The following DLGAP1 variants were observed in gnomAD, a reference collection of about 807,000 sequenced individuals.
The protein encoded by DLGAP1 is DLG associated protein 1.
Under a neutral mutation model 90.8 loss-of-function variants are expected in DLGAP1, and 11 were observed. The observed-to-expected ratio is 0.12, with a 90% confidence interval of 0.08 to 0.20. The LOEUF (loss-of-function observed/expected upper bound fraction) is 0.20, where lower values mean the gene tolerates loss of function less well. DLGAP1 is among the 10% of genes least tolerant of loss of function. DLGAP1 has a pLI of 1.00. For synonymous variants in DLGAP1, 558 were observed against 540.7 expected, an observed-to-expected ratio of 1.03 and a Z score of -0.44; for missense variants, 1,050 against 1,333.8, an observed-to-expected ratio of 0.79 and a Z score of 3.31.
At chr18:4,447,054 G>A (rs2083684745) in intron 1 of DLGAP1, among the ~76,000 whole-genome samples, 2 of 152,254 alleles carry the variant, frequency 1.3e-5, no homozygotes, top group Middle Eastern at 3.4e-3. Flanking sequence ...AAAACAAAAG[G>A]TGTTCTTATA....
intron 4 of DLGAP1, among the ~76,000 whole-genome samples, chr18:3,847,100 A>T (rs2069060065): frequency 6.6e-6 from 1 of 152,206 alleles, no homozygotes; most frequent in Admixed American, 6.5e-5. Flanking sequence ...CTATTTTATA[A>T]GGAAGCTAGG....
At chr18:4,234,992 A>T (rs1042593459) in intron 1 of DLGAP1, among the ~76,000 whole-genome samples, 1 of 152,188 alleles carries the variant, frequency 6.6e-6, no homozygotes, top group Non-Finnish European at 1.5e-5. Context: ...TGATATGGGA[A>T]GAAAAAGAAA....
intron 4 of DLGAP1, chr18:3,874,118 AC>A: frequency 6.5e-7 from 1 of 1,549,474 alleles, no homozygotes; most frequent in Non-Finnish European, 8.7e-7. Context: ...CCACACTATT[AC>A]CAAATACAAA....
At chr18:4,204,508 GTT>G (rs112859102) in intron 1 of DLGAP1, among the ~76,000 whole-genome samples, 5 of 148,100 alleles carry the variant, frequency 3.4e-5, no homozygotes, top group African/African-American at 9.9e-5. Context: ...GACTGTTGTG[GTT>G]TTTTTTTTGT....
chr18:4,395,226 G>A (rs1400184747), intron 1 of DLGAP1, among the ~76,000 whole-genome samples: 1 of 152,120 alleles, frequency 6.6e-6, no homozygotes, highest in Non-Finnish European at 1.5e-5. Context: ...AAAAGAAAAA[G>A]AAAGAGAAAG....
intron 1 of DLGAP1, among the ~76,000 whole-genome samples, chr18:4,439,600 G>A (rs761214494): frequency 3.3e-5 from 5 of 151,962 alleles, no homozygotes; most frequent in Middle Eastern, 3.2e-3. Context: ...GAGGCCAGGA[G>A]TTCAAGACCA....
intron 3 of DLGAP1, among the ~76,000 whole-genome samples, chr18:3,902,917 A>T (rs533289943): frequency 6.6e-6 from 1 of 152,046 alleles, no homozygotes; most frequent in Non-Finnish European, 1.5e-5. Context: ...GACTCATTCA[A>T]ATCCTGCCTC....
At chr18:4,082,490 GAC>G (rs1260022010) in intron 2 of DLGAP1, among the ~76,000 whole-genome samples, 2 of 108,550 alleles carry the variant, frequency 1.8e-5, no homozygotes, top group South Asian at 6.1e-4. Flanking sequence ...CAGTCTGGGT[GAC>G]AGAGTGAGAC....
At chr18:4,197,188 TAAAA>T (rs532844849) in intron 1 of DLGAP1, among the ~76,000 whole-genome samples, 4 of 73,752 alleles carry the variant, frequency 5.4e-5, no homozygotes, top group Admixed American at 1.7e-4. Context: ...TAAAAAAAAG[TAAAA>T]AAAAAAAAAA....
chr18:3,611,111 G>A (rs555913814), intron 7 of DLGAP1, among the ~76,000 whole-genome samples: 3 of 151,144 alleles, frequency 2.0e-5, no homozygotes, highest in Admixed American at 1.3e-4. Flanking sequence ...TACCCTGGGC[G>A]ATAGAGCAAG....
intron 5 of DLGAP1, chr18:3,771,060 A>G (rs2064507760): frequency 6.6e-6 from 1 of 152,212 alleles, no homozygotes; most frequent in South Asian, 2.1e-4. Context: ...AAAAGGGATA[A>G]AAGCTTTCTG....
At chr18:3,543,165 AATTTTTTTTT>A (rs774780003) in intron 9 of DLGAP1, among the ~76,000 whole-genome samples, 222 of 129,862 alleles carry the variant, frequency 1.7e-3, no homozygotes, top group Non-Finnish European at 1.5e-3. Context: ...CCATGACTCC[AATTTTTTTTT>A]TTTTTTTTTT....
At chr18:4,095,502 A>G (rs911380660) in intron 2 of DLGAP1, among the ~76,000 whole-genome samples, 2 of 152,178 alleles carry the variant, frequency 1.3e-5, no homozygotes, top group Non-Finnish European at 2.9e-5. Flanking sequence ...CTTGTAGAGA[A>G]TTCTTTTCTT....
intron 1 of DLGAP1, among the ~76,000 whole-genome samples, chr18:4,203,256 C>T (rs1237275162): frequency 7.6e-6 from 1 of 131,304 alleles, no homozygotes; most frequent in East Asian, 2.2e-4. Context: ...GCCTGGGCAA[C>T]AGAGAGATTA....
At chr18:4,111,094 T>C (rs1411411720) in intron 2 of DLGAP1, among the ~76,000 whole-genome samples, 1 of 152,228 alleles carries the variant, frequency 6.6e-6, no homozygotes, top group Non-Finnish European at 1.5e-5. Context: ...TGCCTTCCAT[T>C]CCCAGTTTGT....
Position 3,532,434 on chromosome 18 carries a change from C to A in DLGAP1, c.2479+1760G>T, listed in dbSNP as rs570607930. 3.9e-5 allele frequency among the ~76,000 whole-genome samples: 6 copies of A among 152,072 alleles called. No homozygotes were observed. The South Asian group carries it at 1.2e-3, about 32-fold the overall frequency. On this transcript the variant is annotated intron_variant, in intron 10 of 12. Coordinates refer to ENST00000315677, the MANE Select transcript of DLGAP1 (RefSeq NM_004746.4). ...GTCTCTACTAAAAATACCAAAGTAG[C>A]TGGGTGTGGTGGCACATGCCTGTAA...
chr18:3,739,906 T>C (rs1385867124), intron 6 of DLGAP1, among the ~76,000 whole-genome samples: 2 of 152,214 alleles, frequency 1.3e-5, no homozygotes, highest in Non-Finnish European at 2.9e-5. Context: ...GGCTACGTCA[T>C]GGAATTGCAG....
At chr18:3,867,887 C>A (rs893522186) in intron 4 of DLGAP1, among the ~76,000 whole-genome samples, 1 of 152,250 alleles carries the variant, frequency 6.6e-6, no homozygotes, top group Middle Eastern at 3.4e-3. Flanking sequence ...TTCATGAGAT[C>A]TTCTGGCATG....
chr18:3,499,209 G>A lies in DLGAP1; in HGVS notation c.2910C>T (p.Ile970=). 1 of 1,595,662 alleles carries A rather than the reference G, an allele frequency of 6.3e-7. No homozygotes were observed. The highest frequency in any genetic ancestry group is 8.5e-7 in the Non-Finnish European group (1 of 1,174,584). ...TESAESIEIY[I]PEAQTRL ...CTCAGAGCCGGGTCTGCGCCTCGGG[G>A]ATGTAGATCTCGATGCTCTCGGCGC... The change falls in exon 13 of 13, where the codon ATC becomes ATT. Residue 970 remains isoleucine (I), a synonymous_variant. Coordinates refer to ENST00000315677, the MANE Select transcript of DLGAP1 (RefSeq NM_004746.4). This position sits in a 1 kb window ranked among gnomAD's most constrained non-coding sequence, Gnocchi z 6.4.
Sources: gnomAD v4.1 joint callset for allele counts (sites outside exome capture counted in the v4.1 genomes callset) on GRCh38, gnomAD v4.1.1 for gene constraint, Gnocchi (gnomAD v3.1) non-coding constraint, MANE v1.5 for transcripts, NCBI Gene and HGNC (gene_info 2026-07-23, HGNC 2026-07-21) for gene names.